The following IMMP2L variants were observed in gnomAD, a reference collection of about 807,000 sequenced individuals.
IMMP2L encodes inner mitochondrial membrane peptidase subunit 2, also known as mitochondrial inner membrane protease subunit 2.
IMMP2L carries 18 observed loss-of-function variants against 19.3 expected under a neutral mutation model. That is an observed-to-expected ratio of 0.93 (90% CI 0.64 to 1.38). IMMP2L has a LOEUF of 1.38. IMMP2L is among the 40% of genes most tolerant of loss of function. The probability of loss-of-function intolerance (pLI) is 0.00; values close to 1 mark genes in which losing one functional copy is unlikely to be tolerated. For missense variants in IMMP2L, 233 were observed against 218.2 expected (o/e 1.07, Z -0.43); for synonymous variants, 76 against 73.0 (o/e 1.04, Z -0.21).
chr7:110,816,229 T>C (rs939510129), intron 5 of IMMP2L, among the ~76,000 whole-genome samples: 6 of 152,126 alleles, frequency 3.9e-5, no homozygotes, highest in African/African-American at 1.4e-4. Flanking sequence ...ATGTACCCAG[T>C]AGTCATTCAG....
chr7:110,851,161 A>G (rs2131527796), intron 5 of IMMP2L, among the ~76,000 whole-genome samples: 1 of 152,248 alleles, frequency 6.6e-6, no homozygotes, highest in South Asian at 2.1e-4. Flanking sequence ...ATATTTGTCA[A>G]TGGACAAAAT....
chr7:111,112,795 T>G (rs1308085923), intron 3 of IMMP2L, among the ~76,000 whole-genome samples: 1 of 152,090 alleles, frequency 6.6e-6, no homozygotes, highest in African/African-American at 2.4e-5. Flanking sequence ...CTTCCTTAGG[T>G]ATAGTAACAG....
intron 3 of IMMP2L, among the ~76,000 whole-genome samples, chr7:111,156,239 G>A (rs1216567691): frequency 1.3e-5 from 2 of 152,028 alleles, no homozygotes; most frequent in East Asian, 1.9e-4. Context: ...GTGGGTCATA[G>A]GAGATGCTTA....
chr7:111,490,582 C>A (rs181474429), intron 2 of IMMP2L, among the ~76,000 whole-genome samples: 4 of 152,132 alleles, frequency 2.6e-5, no homozygotes, highest in East Asian at 1.9e-4. Flanking sequence ...CTAGTATCAT[C>A]ATATTTCAAG....
intron 3 of IMMP2L, among the ~76,000 whole-genome samples, chr7:111,312,937 GA>G (rs1267443501): frequency 6.6e-6 from 1 of 151,714 alleles, no homozygotes; most frequent in African/African-American, 2.4e-5. Context: ...GAAGGGGTTA[GA>G]AAAAAAAGGA....
intron 5 of IMMP2L, among the ~76,000 whole-genome samples, chr7:110,827,086 T>G (rs1215160591): frequency 1.3e-5 from 2 of 152,098 alleles, no homozygotes; most frequent in Non-Finnish European, 1.5e-5. Context: ...AATGACAAAT[T>G]TCTTAGCATT....
intron 3 of IMMP2L, among the ~76,000 whole-genome samples, chr7:111,377,656 A>C (rs1221403649): frequency 1.3e-5 from 2 of 151,856 alleles, no homozygotes; most frequent in Admixed American, 1.3e-4. Flanking sequence ...TTGGCTTTTG[A>C]TTCTGTGATA....
At chr7:110,751,269 G>A (rs1401483725) in intron 5 of IMMP2L, among the ~76,000 whole-genome samples, 1 of 151,666 alleles carries the variant, frequency 6.6e-6, no homozygotes, top group Non-Finnish European at 1.5e-5. Context: ...CATTATATAT[G>A]ATAGACGGTT....
At chr7:111,073,850 T>C (rs947536424) in intron 3 of IMMP2L, among the ~76,000 whole-genome samples, 15 of 152,242 alleles carry the variant, frequency 9.9e-5, no homozygotes, top group Non-Finnish European at 1.5e-5. Flanking sequence ...TCTTTAATTA[T>C]TAACCTTTGT....
chr7:111,031,168 G>C (rs1790769874), intron 3 of IMMP2L, among the ~76,000 whole-genome samples: 1 of 151,854 alleles, frequency 6.6e-6, no homozygotes, highest in Non-Finnish European at 1.5e-5. Context: ...ATCTATGCTT[G>C]TATTTCTTCG....
At chr7:111,529,154 A>G (rs1847159018) in intron 1 of IMMP2L, among the ~76,000 whole-genome samples, 1 of 152,186 alleles carries the variant, frequency 6.6e-6, no homozygotes, top group African/African-American at 2.4e-5. Context: ...ACCTGTGACA[A>G]GGTCACAAGA....
chr7:111,255,010 T>TTTATTTA (rs1352283540), intron 3 of IMMP2L, among the ~76,000 whole-genome samples: 1 of 152,092 alleles, frequency 6.6e-6, no homozygotes, highest in Non-Finnish European at 1.5e-5. Flanking sequence ...CAAATATAAC[T>TTTATTTA]ACTTTAAATT....
At chr7:111,301,524 G>A (rs1822236903) in intron 3 of IMMP2L, among the ~76,000 whole-genome samples, 1 of 151,976 alleles carries the variant, frequency 6.6e-6, no homozygotes, top group South Asian at 2.1e-4. Flanking sequence ...TCTAAGAACT[G>A]ATTGCCTAGC....
chr7:110,759,523 G>A (rs766449511), intron 5 of IMMP2L, among the ~76,000 whole-genome samples: 7 of 152,104 alleles, frequency 4.6e-5, no homozygotes, highest in Non-Finnish European at 1.0e-4. Flanking sequence ...GGTTCATGAT[G>A]CATATTCTTA....
At chr7:110,765,498 T>G (rs1196912114) in intron 5 of IMMP2L, among the ~76,000 whole-genome samples, 3 of 152,022 alleles carry the variant, frequency 2.0e-5, no homozygotes, top group Non-Finnish European at 4.4e-5. Flanking sequence ...TTTTCAAAAT[T>G]TTTTTTTCTT....
chr7:111,382,372 A>C (rs2131236677), intron 3 of IMMP2L, among the ~76,000 whole-genome samples: 1 of 152,174 alleles, frequency 6.6e-6, no homozygotes, highest in South Asian at 2.1e-4. Context: ...ATCAAAAAGT[A>C]TTTGGCAAGT....
At chr7:111,423,527 T>A (rs990242635) in intron 3 of IMMP2L, among the ~76,000 whole-genome samples, 2 of 151,910 alleles carry the variant, frequency 1.3e-5, no homozygotes, top group African/African-American at 4.9e-5. Flanking sequence ...TATTCTCTGA[T>A]GGTAGTTTGT....
intron 4 of IMMP2L, among the ~76,000 whole-genome samples, chr7:110,949,192 C>T (rs955597085): frequency 3.3e-5 from 5 of 152,174 alleles, no homozygotes; most frequent in Admixed American, 2.0e-4. Context: ...TAAATCCCCT[C>T]TCATATATCT....
intron 3 of IMMP2L, among the ~76,000 whole-genome samples, chr7:111,404,857 T>C (rs902192961): frequency 4.6e-5 from 7 of 151,998 alleles, no homozygotes; most frequent in Non-Finnish European, 8.8e-5. Context: ...AATACAAAAA[T>C]TTCAGAATCA....
Sources: allele counts gnomAD v4.1 joint callset (sites outside exome capture counted in the v4.1 genomes callset), GRCh38; gene constraint gnomAD v4.1.1; transcripts MANE v1.5; gene names NCBI Gene and HGNC (gene_info 2026-07-23, HGNC 2026-07-21).